The following AUTS2 variants were observed in gnomAD, a reference collection of about 807,000 sequenced individuals.
AUTS2 encodes activator of transcription and developmental regulator AUTS2, also known as autism susceptibility gene 2 protein.
A neutral mutation model predicts 112.4 loss-of-function variants in AUTS2; 17 were observed. That is an observed-to-expected ratio of 0.15 (90% CI 0.10 to 0.23). The LOEUF (loss-of-function observed/expected upper bound fraction) is 0.23. AUTS2 is among the 10% of genes least tolerant of loss of function. The pLI is 1.00. For missense variants in AUTS2, 1,510 were observed against 1,701.6 expected (o/e 0.89, Z 1.98); for synonymous variants, 751 against 702.7 (o/e 1.07, Z -1.09).
chr7:69,821,029 A>G (rs1259230126), intron 1 of AUTS2, among the ~76,000 whole-genome samples: 2 of 152,148 alleles, frequency 1.3e-5, no homozygotes, highest in Non-Finnish European at 2.9e-5. Flanking sequence ...GGAAGATTTT[A>G]TTTGCCTAAG....
intron 2 of AUTS2, among the ~76,000 whole-genome samples, chr7:70,089,074 C>T (rs1360828745): frequency 2.0e-5 from 3 of 152,050 alleles, no homozygotes; most frequent in South Asian, 2.1e-4. Flanking sequence ...ATTCTGCTGT[C>T]GTTGGGCTGA....
chr7:70,390,812 C>T (rs183829202), intron 4 of AUTS2, among the ~76,000 whole-genome samples: 178 of 152,148 alleles, frequency 1.2e-3, no homozygotes, highest in Middle Eastern at 3.4e-3. Flanking sequence ...ATAGCCAGGC[C>T]GTGTTAGAGC....
chr7:69,972,067 C>T (rs955625850), intron 2 of AUTS2, among the ~76,000 whole-genome samples: 6 of 152,106 alleles, frequency 3.9e-5, no homozygotes, highest in African/African-American at 1.2e-4. Flanking sequence ...TTAGCGATTC[C>T]GTTTACTTGC....
intron 2 of AUTS2, among the ~76,000 whole-genome samples, chr7:69,958,365 C>CG (rs1346365539): frequency 6.6e-6 from 1 of 152,140 alleles, no homozygotes; most frequent in Non-Finnish European, 1.5e-5. Context: ...GCGTGAACCT[C>CG]TACTCTAGAA....
At chr7:69,884,277 A>T (rs749847261) in intron 1 of AUTS2, among the ~76,000 whole-genome samples, 11 of 152,190 alleles carry the variant, frequency 7.2e-5, no homozygotes, top group Non-Finnish European at 1.6e-4. Flanking sequence ...AAATGAGAGG[A>T]CATTTGCAGA....
intron 5 of AUTS2, among the ~76,000 whole-genome samples, chr7:70,649,251 A>G (rs934295118): frequency 6.7e-6 from 1 of 148,798 alleles, no homozygotes; most frequent in African/African-American, 2.6e-5. Context: ...CCTGGGCAAC[A>G]TCACGAAACC....
intron 5 of AUTS2, among the ~76,000 whole-genome samples, chr7:70,671,216 A>C (rs1462242862): frequency 6.6e-6 from 1 of 151,900 alleles, no homozygotes; most frequent in Non-Finnish European, 1.5e-5. Context: ...AACAACAAAA[A>C]CCCAGATCTG....
chr7:70,169,251 T>TA (rs201069133), intron 4 of AUTS2, among the ~76,000 whole-genome samples: 344 of 142,840 alleles, frequency 2.4e-3, no homozygotes, highest in Non-Finnish European at 4.3e-3. Flanking sequence ...TATATATATA[T>TA]TTTTTTTGAG....
chr7:70,097,053 G>T (rs1463336458), intron 2 of AUTS2, among the ~76,000 whole-genome samples: 2 of 152,184 alleles, frequency 1.3e-5, no homozygotes, highest in African/African-American at 4.8e-5. Flanking sequence ...CATTTTCAAT[G>T]ACACCTTGGC....
At chr7:69,867,571 A>G (rs1460244097) in intron 1 of AUTS2, among the ~76,000 whole-genome samples, 1 of 152,170 alleles carries the variant, frequency 6.6e-6, no homozygotes, top group African/African-American at 2.4e-5. Flanking sequence ...GGTCTAGTAC[A>G]GCATTTCCTT....
intron 3 of AUTS2, among the ~76,000 whole-genome samples, chr7:70,127,467 G>C (rs1283123942): frequency 1.3e-5 from 2 of 151,950 alleles, no homozygotes; most frequent in South Asian, 2.1e-4. Context: ...TTCTTTCTTT[G>C]TTTTTCTTTT....
chr7:70,786,791 TGA>T (rs1367083997), intron 17 of AUTS2: 1 of 309,210 alleles, frequency 3.2e-6, no homozygotes, highest in African/African-American at 2.2e-5. Flanking sequence ...TGGTGACACT[TGA>T]GAGGGCCACG....
At position 70,196,004 on chromosome 7, in the gene AUTS2, T is replaced by A. The variant is rs138292544; in HGVS notation, c.660+61433T>A. On this transcript the variant is annotated intron_variant, in intron 4 of 18. Coordinates refer to ENST00000342771, the MANE Select transcript of AUTS2 (RefSeq NM_015570.4). Reference sequence around the variant, plus strand: ...GGATTAAATGATGTTGCTGTGCCCATAAGAAAGGCAGGTATTGGGCAGTAA... The same window carrying A: ...GGATTAAATGATGTTGCTGTGCCCAAAAGAAAGGCAGGTATTGGGCAGTAA... Among the ~76,000 whole-genome samples, 257 of 152,292 alleles carry A rather than the reference T, an allele frequency of 1.7e-3. 1 individual carries two copies. Among genetic ancestry groups the A allele is most frequent in the African/African-American group, 6.0e-3 (248 of 41,578 alleles).
chr7:70,767,438 GT>G (rs1193487573), intron 9 of AUTS2, among the ~76,000 whole-genome samples: 1 of 152,106 alleles, frequency 6.6e-6, no homozygotes, highest in East Asian at 1.9e-4. Context: ...TTTTGAGAAA[GT>G]TTTCTGCTGG....
chr7:70,130,542 A>G (rs532953827), intron 3 of AUTS2, among the ~76,000 whole-genome samples: 5 of 152,284 alleles, frequency 3.3e-5, no homozygotes, highest in East Asian at 1.9e-4. Context: ...ATGTCTTTCA[A>G]CTGTGCATCC....
At chr7:69,756,465 A>G (rs950249169) in intron 1 of AUTS2, among the ~76,000 whole-genome samples, 5 of 152,242 alleles carry the variant, frequency 3.3e-5, no homozygotes, top group South Asian at 2.1e-4. Flanking sequence ...TCAGAAAGAA[A>G]GGAGAGCTGT....
chr7:70,146,328 G>A (rs1258373001), intron 4 of AUTS2, among the ~76,000 whole-genome samples: 2 of 151,984 alleles, frequency 1.3e-5, no homozygotes, highest in Non-Finnish European at 2.9e-5. Context: ...TTTTTCTACT[G>A]GGTGTGATTT....
intron 2 of AUTS2, among the ~76,000 whole-genome samples, chr7:69,968,680 G>C (rs1393871646): frequency 6.6e-6 from 1 of 152,114 alleles, no homozygotes; most frequent in East Asian, 1.9e-4. Context: ...ATTGATTGTA[G>C]AGTTAAGCTG....
Position 70,236,572 on chromosome 7 carries a change from G to A in AUTS2, c.660+102001G>A, listed in dbSNP as rs78883982. Reference sequence around the variant, plus strand: ...TATTGCCGATTTAGGAACTAAAGCCGAAATGGATCTCAGACTATTTCCCAC... The same window carrying A: ...TATTGCCGATTTAGGAACTAAAGCCAAAATGGATCTCAGACTATTTCCCAC... On this transcript the variant is annotated intron_variant, in intron 4 of 18. Coordinates refer to ENST00000342771, the MANE Select transcript of AUTS2 (RefSeq NM_015570.4). Among the ~76,000 whole-genome samples the A allele has an allele frequency of 1.5e-3, 233 of 152,306 alleles. 2 individuals are homozygous for A. In the East Asian group the frequency reaches 0.016, roughly 11 times the overall value.
Sources: gnomAD v4.1 joint callset for allele counts (sites outside exome capture counted in the v4.1 genomes callset) on GRCh38, gnomAD v4.1.1 for gene constraint, MANE v1.5 for transcripts, NCBI Gene and HGNC (gene_info 2026-07-23, HGNC 2026-07-21) for gene names.